TPD52: variants seen among roughly 807,000 people sequenced by gnomAD.
TPD52 encodes prostate and colon associated protein.
In TPD52, 17 loss-of-function variants were observed where a neutral mutation model predicts 31.3. The observed-to-expected ratio is 0.54, with a 90% CI of 0.37 to 0.82. The LOEUF is 0.82. TPD52 is among the 40% of genes least tolerant of loss of function. The probability of loss-of-function intolerance (pLI) is 0.00; values close to 1 mark genes in which losing one functional copy is unlikely to be tolerated. For missense variants in TPD52, 212 were observed against 240.1 expected, an observed-to-expected ratio of 0.88 and a Z score of 0.77; for synonymous variants, 83 against 89.6, an observed-to-expected ratio of 0.93 and a Z score of 0.42.
intron 1 of TPD52, among the ~76,000 whole-genome samples, chr8:80,145,293 G>A (rs766918103): frequency 3.9e-5 from 6 of 152,218 alleles, no homozygotes; most frequent in Admixed American, 6.5e-5. Context: ...CAGTAATCTT[G>A]TTTAATCCTA....
chr8:80,089,372 G>T, intron 1 of TPD52, among the ~76,000 whole-genome samples: 1 of 152,208 alleles, frequency 6.6e-6, no homozygotes, highest in East Asian at 1.9e-4. Context: ...CAGGACTGAA[G>T]AACAGAGAGA....
At chr8:80,047,813 A>C (rs1811013507) in intron 5 of TPD52, among the ~76,000 whole-genome samples, 1 of 152,222 alleles carries the variant, frequency 6.6e-6, no homozygotes, top group Admixed American at 6.5e-5. Flanking sequence ...AAATATCTAC[A>C]GGGGCACATG....
At chr8:80,077,744 T>A (rs2130804758) in intron 1 of TPD52, among the ~76,000 whole-genome samples, 1 of 152,300 alleles carries the variant, frequency 6.6e-6, no homozygotes, top group South Asian at 2.1e-4. Context: ...ACCAGTGTCA[T>A]TCATTCATTC....
intron 1 of TPD52, among the ~76,000 whole-genome samples, chr8:80,085,455 T>C (rs1228264110): frequency 6.6e-6 from 1 of 152,066 alleles, no homozygotes; most frequent in Non-Finnish European, 1.5e-5. Flanking sequence ...TGAAACACAA[T>C]ATTTACTTGG....
At chr8:80,128,900 G>C (rs1808824360) in intron 1 of TPD52, among the ~76,000 whole-genome samples, 1 of 150,722 alleles carries the variant, frequency 6.6e-6, no homozygotes, top group African/African-American at 2.4e-5. Context: ...TTTTCAGGAA[G>C]AAATGCTAGA....
intron 1 of TPD52, among the ~76,000 whole-genome samples, chr8:80,127,848 A>T (rs1808739143): frequency 6.6e-6 from 1 of 151,810 alleles, no homozygotes; most frequent in African/African-American, 2.4e-5. Context: ...AGAGATACAT[A>T]ATAAAAAATA....
intron 1 of TPD52, among the ~76,000 whole-genome samples, chr8:80,107,469 A>G (rs780263730): frequency 1.3e-5 from 2 of 152,210 alleles, no homozygotes; most frequent in African/African-American, 2.4e-5. Context: ...TTGTAATTAT[A>G]GCAACTGCGG....
At chr8:80,090,243 A>C (rs1816155305) in intron 1 of TPD52, among the ~76,000 whole-genome samples, 1 of 152,200 alleles carries the variant, frequency 6.6e-6, no homozygotes, top group Non-Finnish European at 1.5e-5. Context: ...AAAATAAAAA[A>C]TAAAAATTAG....
chr8:80,130,300 T>C (rs576585063), intron 1 of TPD52, among the ~76,000 whole-genome samples: 2 of 152,356 alleles, frequency 1.3e-5, no homozygotes, highest in African/African-American at 4.8e-5. Flanking sequence ...TACTTTGCAA[T>C]GTCTGGTTGC....
intron 1 of TPD52, among the ~76,000 whole-genome samples, chr8:80,074,675 G>A (rs73691143): frequency 0.025 from 3,783 of 152,286 alleles, 169 homozygotes; most frequent in African/African-American, 0.086. Context: ...CCACAGTGGG[G>A]CAAAACTGTG....
intron 1 of TPD52, among the ~76,000 whole-genome samples, chr8:80,113,713 TA>T (rs1173613177): frequency 2.0e-5 from 3 of 151,674 alleles, no homozygotes; most frequent in Non-Finnish European, 4.4e-5. Context: ...ATGTGGGAGC[TA>T]AAAAAAATGT....
intron 2 of TPD52, among the ~76,000 whole-genome samples, chr8:80,057,358 T>C (rs1346540449): frequency 6.6e-6 from 1 of 152,138 alleles, no homozygotes; most frequent in Non-Finnish European, 1.5e-5. Context: ...GTATAGAAAT[T>C]GTTCTACCAA....
rs1200235291 is a variant in TPD52 at position 80,064,612 on chromosome 8, C to A, written c.20-19G>T. On this transcript the variant is annotated intron_variant, in intron 1 of 7. Coordinates refer to ENST00000518937, the MANE Select transcript of TPD52 (RefSeq NM_001025253.3). ...AGCAGACCTGGTTGGGGATTTAAAC[C>A]ATTTTTTAAAGTGCAAAATCTAAGT... 6.2e-7 allele frequency: 1 copy of A among 1,600,464 alleles called. No homozygotes were observed. The highest frequency in any genetic ancestry group is 1.7e-5 in the Admixed American group (1 of 59,972).
Position 80,080,650 on chromosome 8 carries a change from C to A in TPD52, c.20-16057G>T. On this transcript the variant is annotated intron_variant, in intron 1 of 7. Transcript: ENST00000518937. ...TTCACGCCCCTCCTGATAAGCAGAC[C>A]TATTTAATAAATGATTTATCCTGAG... The A allele has an allele frequency of 3.8e-6, 5 of 1,313,150 alleles. No homozygotes were observed. The South Asian group carries it at 1.0e-4, about 26-fold the overall frequency. The allele number at this position is 1,313,150 out of a possible 1,614,324, so 81.3% of individuals were successfully genotyped here. A position where few individuals can be genotyped will look rare whatever the true frequency, so the allele number is the denominator to read the frequency against.
In TPD52 at chr8:80,038,239, A is replaced by T. The variant is rs1210615761; in HGVS notation, c.505-4T>A. On this transcript the variant is annotated splice_region_variant and splice_polypyrimidine_tract_variant and intron_variant, in intron 7 of 7. Transcript: ENST00000518937. The stretch of plus-strand genomic sequence containing the variant: ...GCTTGGTTCCCCCTACTTTAGACTT[A>T]AAAAAAAGTTCAAAAAAGGGAAAGA... 5.0e-6 allele frequency: 8 copies of T among 1,607,408 alleles called. No homozygotes were observed. In the Admixed American group the frequency reaches 1.0e-4, roughly 20 times the overall value.
chr8:80,067,878 A>G (rs1813334111), intron 1 of TPD52, among the ~76,000 whole-genome samples: 1 of 151,934 alleles, frequency 6.6e-6, no homozygotes, highest in African/African-American at 2.4e-5. Flanking sequence ...ATTCGTCTAG[A>G]TATGATCCTG....
At chr8:80,130,043 A>AG (rs1270872660) in intron 1 of TPD52, among the ~76,000 whole-genome samples, 3 of 152,210 alleles carry the variant, frequency 2.0e-5, no homozygotes, top group Non-Finnish European at 4.4e-5. Flanking sequence ...GAGGTCAGCC[A>AG]GGTCACGAGT....
intron 1 of TPD52, among the ~76,000 whole-genome samples, chr8:80,157,187 G>A (rs1434964218): frequency 2.6e-5 from 4 of 151,866 alleles, no homozygotes; most frequent in Non-Finnish European, 5.9e-5. Context: ...TCAAGAGAAT[G>A]TCATCTGCAG....
intron 1 of TPD52, among the ~76,000 whole-genome samples, chr8:80,162,145 G>A (rs1811407197): frequency 6.6e-6 from 1 of 152,010 alleles, no homozygotes; most frequent in Non-Finnish European, 1.5e-5. Context: ...ACTATTTTTA[G>A]TACCAATTAC....
Sources: allele counts gnomAD v4.1 joint callset (sites outside exome capture counted in the v4.1 genomes callset), GRCh38; gene constraint gnomAD v4.1.1; transcripts MANE v1.5; gene names NCBI Gene and HGNC (gene_info 2026-07-23, HGNC 2026-07-21).